Variants in C11orf54 observed in about 807,000 individuals in gnomAD.
C11orf54 encodes beta-keto L-gulonate decarboxylase.
Under a neutral mutation model 35.5 loss-of-function variants are expected in C11orf54, and 29 were observed. The ratio of observed to expected loss-of-function variants is 0.82; its 90% CI spans 0.61 to 1.11. The LOEUF (loss-of-function observed/expected upper bound fraction) is 1.11. C11orf54 is among the 50% of genes most tolerant of loss of function. C11orf54 has a pLI of 0.00. For synonymous variants in C11orf54, 108 were observed against 121.1 expected (o/e 0.89, Z 0.71); for missense variants, 373 against 369.2 (o/e 1.01, Z -0.08).
intron 4 of C11orf54, 79 bp from the exon 5 acceptor site, chr11:93,753,857 C>T: frequency 6.5e-7 from 1 of 1,531,298 alleles, no homozygotes; most frequent in Non-Finnish European, 9.0e-7. Context: ...CAAGGAAGTG[C>T]TAATGGATCA....
chr11:93,753,780 C>T (rs2135629500), intron 4 of C11orf54, 25 bp downstream of exon 4: 2 of 1,605,336 alleles, frequency 1.2e-6, no homozygotes, highest in South Asian at 2.2e-5. Flanking sequence ...TCTGCATATT[C>T]ACATGAAGAT....
chr11:93,758,186 G>A (rs1411573526), intron 7 of C11orf54, among the ~76,000 whole-genome samples: 2 of 152,178 alleles, frequency 1.3e-5, no homozygotes, highest in Admixed American at 6.5e-5. Flanking sequence ...CACGGCTGAG[G>A]CTACACACTC....
In C11orf54 at chr11:93,764,430, T is replaced by C. The variant is rs1388195030; in HGVS notation, c.*2742T>C. The C allele has an allele frequency of 6.6e-6, 1 of 152,116 alleles. No individual in the cohort carries two copies. Among genetic ancestry groups the C allele is most frequent in the Non-Finnish European group, 1.5e-5 (1 of 68,032 alleles). 9.4% of individuals were successfully genotyped at this position (152,116 alleles called of 1,614,324 possible). ...GTGTGGGAATATTAGAACATCTATT[T>C]ATATATTTTATTTCGTCCTTTTAAG... On this transcript the variant is annotated 3_prime_UTR_variant, in exon 9 of 9. Coordinates refer to ENST00000354421, the MANE Select transcript of C11orf54 (RefSeq NM_001286069.2).
chr11:93,758,491 T>C (rs1262058169), intron 7 of C11orf54, among the ~76,000 whole-genome samples: 1 of 152,226 alleles, frequency 6.6e-6, no homozygotes, highest in Non-Finnish European at 1.5e-5. Flanking sequence ...CCTGCATTCT[T>C]GGGGGTCTGG....
At position 93,757,859 on chromosome 11, in the gene C11orf54, A is replaced by G. The variant is rs1337684862; in HGVS notation, c.657+394A>G. Among the ~76,000 whole-genome samples the G allele has an allele frequency of 5.3e-5, 8 of 152,226 alleles. No homozygotes were observed. The East Asian group carries it at 1.4e-3, about 26-fold the overall frequency. ...TTAGGATTGTAAAGTATGTGTTGGGAATTCTACATTTGAAGACACTTTAAA... is the reference window on the plus strand; with the variant it reads ...TTAGGATTGTAAAGTATGTGTTGGGGATTCTACATTTGAAGACACTTTAAA... On this transcript the variant is annotated intron_variant, in intron 7 of 8. Transcript: ENST00000354421.
chr11:93,757,578 G>A, intron 7 of C11orf54, 113 bp downstream of exon 7: 1 of 1,153,498 alleles, frequency 8.7e-7, no homozygotes, highest in Non-Finnish European at 1.2e-6. Context: ...TGCCCATGCT[G>A]GAGTGTAGTG....
In C11orf54 at chr11:93,757,358, T is replaced by C; in HGVS notation, c.550T>C (p.Phe184Leu). The C allele has an allele frequency of 1.9e-6, 3 of 1,598,296 alleles. No individual in the cohort carries two copies. The highest frequency in any genetic ancestry group is 2.5e-6 in the Non-Finnish European group (3 of 1,179,774). ...KAKRRTGPLN[F>L]VTCMRETLEK... ...CAAAAGAAGAACTGGACCACTTAACTTTGTGACTTGTATGAGAGAGACCCT... is the reference window on the plus strand; with the variant it reads ...CAAAAGAAGAACTGGACCACTTAACCTTGTGACTTGTATGAGAGAGACCCT... Residue 184 changes from phenylalanine (F) to leucine (L), a missense_variant, in exon 7 of 9, where the codon TTT becomes CTT. Coordinates refer to ENST00000354421, the MANE Select transcript of C11orf54 (RefSeq NM_001286069.2).
At chr11:93,755,650 G>A (rs187466615) in intron 6 of C11orf54, among the ~76,000 whole-genome samples, 4 of 151,822 alleles carry the variant, frequency 2.6e-5, no homozygotes, top group East Asian at 1.9e-4. Context: ...TACTCGGGGG[G>A]GCTGAGGTGA....
At chr11:93,750,549 G>T in intron 3 of C11orf54, 105 bp downstream of exon 3, 1 of 900,834 alleles carries the variant, frequency 1.1e-6, no homozygotes, top group Non-Finnish European at 1.7e-6. Flanking sequence ...AAAGGATATT[G>T]TCACAACATT....
chr11:93,746,188 T>C (rs1446071321), intron 1 of C11orf54: 2 of 152,190 alleles, frequency 1.3e-5, no homozygotes, highest in Non-Finnish European at 2.9e-5. Flanking sequence ...TGTGAATCTT[T>C]GGAAAATTAG....
Position 93,749,653 on chromosome 11 carries a change from TATA to T in C11orf54, c.56-691_56-689del, listed in dbSNP as rs1942708075. On this transcript the variant is annotated intron_variant, in intron 2 of 8. Coordinates refer to ENST00000354421, the MANE Select transcript of C11orf54 (RefSeq NM_001286069.2). Reference sequence around the variant, plus strand: ...AATATAGCAAGACCTGGTCTCTACATATAAAAGAAAAAAAGAGAGAGGGAAATA... The same window carrying T: ...AATATAGCAAGACCTGGTCTCTACATAAAGAAAAAAAGAGAGAGGGAAATA... Among the ~76,000 whole-genome samples, 8 of 151,964 alleles carry T rather than the reference TATA, an allele frequency of 5.3e-5. No homozygotes were observed. The South Asian group carries it at 1.7e-3, about 32-fold the overall frequency.
chr11:93,757,200 G>C, intron 6 of C11orf54, 116 bp from the exon 7 acceptor site: 1 of 1,124,668 alleles, frequency 8.9e-7, no homozygotes, highest in Non-Finnish European at 1.2e-6. Flanking sequence ...ACTCAGATCT[G>C]GGGGCTCTAA....
chr11:93,743,287 C>T (rs919784643), intron 1 of C11orf54, among the ~76,000 whole-genome samples: 3 of 151,956 alleles, frequency 2.0e-5, no homozygotes, highest in African/African-American at 7.3e-5. Flanking sequence ...AGGCGTGAAT[C>T]ACCGCGCCCG....
At chr11:93,742,797 G>A (rs1188615163) in intron 1 of C11orf54, 1 of 152,128 alleles carries the variant, frequency 6.6e-6, no homozygotes, top group Non-Finnish European at 1.5e-5. Context: ...GGGCAATGAC[G>A]AAGCTCCAGG....
intron 6 of C11orf54, among the ~76,000 whole-genome samples, 169 bp downstream of exon 6, chr11:93,755,555 A>G (rs930360487): frequency 6.6e-6 from 1 of 152,054 alleles, no homozygotes; most frequent in Non-Finnish European, 1.5e-5. Context: ...GTTCAAGACC[A>G]GCCTGGTCAA....
chr11:93,757,878 C>CT (rs1943238237), intron 7 of C11orf54, among the ~76,000 whole-genome samples: 1 of 152,146 alleles, frequency 6.6e-6, no homozygotes, highest in Non-Finnish European at 1.5e-5. Context: ...TTTGAAGACA[C>CT]TTTAAACAAA....
chr11:93,750,280 A>G, intron 2 of C11orf54, 66 bp from the exon 3 acceptor site: 2 of 1,281,352 alleles, frequency 1.6e-6, no homozygotes, highest in Non-Finnish European at 2.3e-6. Context: ...GCCACATACC[A>G]CTTTTGATAC....
chr11:93,759,705 T>C (rs763037634), intron 7 of C11orf54, 37 bp from the exon 8 acceptor site: 1 of 1,053,240 alleles, frequency 9.5e-7, no homozygotes, highest in Non-Finnish European at 1.4e-6. Flanking sequence ...TTAGTAATAT[T>C]CAGTATGTTT....
intron 6 of C11orf54, among the ~76,000 whole-genome samples, chr11:93,755,656 G>A: frequency 6.6e-6 from 1 of 151,590 alleles, no homozygotes; most frequent in Admixed American, 6.6e-5. Flanking sequence ...GGGGGGCTGA[G>A]GTGAGAGAAT....
Sources: gnomAD v4.1 joint callset for allele counts (sites outside exome capture counted in the v4.1 genomes callset) on GRCh38, gnomAD v4.1.1 for gene constraint, MANE v1.5 for transcripts, NCBI Gene and HGNC (gene_info 2026-07-23, HGNC 2026-07-21) for gene names.